Variants in CTTNBP2 observed in about 807,000 individuals in gnomAD.
CTTNBP2 encodes the protein cortactin-binding protein 2.
CTTNBP2 carries 108 observed loss-of-function variants against 156.9 expected under a neutral mutation model. The observed-to-expected ratio is 0.69, with a 90% confidence interval of 0.59 to 0.81. The LOEUF is 0.81. Among genes scored for constraint, CTTNBP2 ranks in the 30% least tolerant of loss-of-function variants. The pLI is 0.00. For missense variants in CTTNBP2, 1,924 were observed against 2,035.4 expected, an observed-to-expected ratio of 0.95 and a Z score of 1.05; for synonymous variants, 767 against 751.8, an observed-to-expected ratio of 1.02 and a Z score of -0.33.
intron 2 of CTTNBP2, among the ~76,000 whole-genome samples, chr7:117,821,780 T>C (rs1255620226): frequency 2.0e-5 from 3 of 151,928 alleles, no homozygotes; most frequent in Non-Finnish European, 2.9e-5. Flanking sequence ...TTAGTAGAGA[T>C]GGGGTTTCAC....
intron 16 of CTTNBP2, among the ~76,000 whole-genome samples, chr7:117,733,648 A>T (rs970915224): frequency 1.3e-5 from 2 of 152,314 alleles, no homozygotes; most frequent in East Asian, 3.9e-4. Flanking sequence ...ATGACCAAGT[A>T]ACTGATTTAA....
chr7:117,855,276 C>T (rs1803220762), intron 2 of CTTNBP2, among the ~76,000 whole-genome samples: 1 of 151,892 alleles, frequency 6.6e-6, no homozygotes, highest in Non-Finnish European at 1.5e-5. Flanking sequence ...CCATGCCTGG[C>T]TAATTTTTGT....
intron 6 of CTTNBP2, 71 bp from the exon 7 acceptor site, chr7:117,780,662 T>A (rs980714251): frequency 1.5e-5 from 13 of 890,056 alleles, no homozygotes; most frequent in African/African-American, 3.5e-5. Context: ...AACCAAGATA[T>A]TAAATACAGA....
intron 2 of CTTNBP2, among the ~76,000 whole-genome samples, chr7:117,853,545 T>C (rs1803067049): frequency 6.6e-6 from 1 of 152,206 alleles, no homozygotes; most frequent in Non-Finnish European, 1.5e-5. Context: ...CTGGCTAAAA[T>C]GTAATCAGAA....
chr7:117,728,114 G>A lies in CTTNBP2; in HGVS notation c.4030C>T (p.Pro1344Ser). 1 of 1,613,870 alleles carries A rather than the reference G, an allele frequency of 6.2e-7. No homozygotes were observed. The highest frequency in any genetic ancestry group is 8.5e-7 in the Non-Finnish European group (1 of 1,179,932). ...PKYFLSCPVVPGHAQVTVKWM... is the reference protein window; with the variant it reads ...PKYFLSCPVVSGHAQVTVKWM... ...TTCACTGTCACTTGGGCATGCCCAG[G>A]AACTACAGGACAAGACAGGAAATAT... The change falls in exon 17 of 23, where the codon CCT becomes TCT. Residue 1344 changes from proline to serine, a missense_variant. Coordinates refer to ENST00000160373, the MANE Select transcript of CTTNBP2 (RefSeq NM_033427.3).
chr7:117,801,560 T>C (rs1026847974), intron 3 of CTTNBP2, among the ~76,000 whole-genome samples: 3 of 152,172 alleles, frequency 2.0e-5, no homozygotes, highest in African/African-American at 7.2e-5. Context: ...AATATGTGGA[T>C]TAGAAAAAAT....
chr7:117,847,385 A>G (rs188358909), intron 2 of CTTNBP2, among the ~76,000 whole-genome samples: 5 of 152,230 alleles, frequency 3.3e-5, no homozygotes, highest in Admixed American at 1.3e-4. Context: ...AAAATAGAAA[A>G]CTTAGCTGGG....
chr7:117,867,447 A>C (rs1404553569), intron 1 of CTTNBP2, among the ~76,000 whole-genome samples: 3 of 152,078 alleles, frequency 2.0e-5, no homozygotes, highest in Non-Finnish European at 2.9e-5. Context: ...TAAACTTATT[A>C]TCTCTATTAA....
intron 2 of CTTNBP2, among the ~76,000 whole-genome samples, chr7:117,841,889 C>T (rs1802297716): frequency 6.6e-6 from 1 of 151,982 alleles, no homozygotes; most frequent in South Asian, 2.1e-4. Context: ...AGGAAGTTGC[C>T]ATCAGAATCC....
At position 117,800,613 on chromosome 7, in the gene CTTNBP2, C is replaced by T. The variant is rs73475488; in HGVS notation, c.415-7832G>A. Among the ~76,000 whole-genome samples, 1,221 of 152,132 alleles carry T rather than the reference C, an allele frequency of 8.0e-3. 15 individuals are homozygous for T. The highest frequency in any genetic ancestry group is 0.028 in the African/African-American group (1,179 of 41,520). On this transcript the variant is annotated intron_variant, in intron 3 of 22. Coordinates refer to ENST00000160373, the MANE Select transcript of CTTNBP2 (RefSeq NM_033427.3). ...CTGAAACTACTCTGTGTGTTCCACG[C>T]TTCAGTAAATGAGTAAATATACTGA...
intron 22 of CTTNBP2, among the ~76,000 whole-genome samples, chr7:117,713,351 C>T (rs187983914): frequency 4.1e-4 from 62 of 152,286 alleles, no homozygotes; most frequent in Non-Finnish European, 6.5e-4. Flanking sequence ...ATTTCCACCC[C>T]ACTAATTCAC....
intron 2 of CTTNBP2, among the ~76,000 whole-genome samples, chr7:117,860,343 CTTTTT>C (rs1563074250): frequency 6.6e-6 from 1 of 151,494 alleles, no homozygotes; most frequent in Admixed American, 6.6e-5. Flanking sequence ...TTTTTCTTTT[CTTTTT>C]TCTTTTTTTT....
chr7:117,848,334 G>A (rs1047297938), intron 2 of CTTNBP2, among the ~76,000 whole-genome samples: 3 of 152,034 alleles, frequency 2.0e-5, no homozygotes, highest in South Asian at 2.1e-4. Flanking sequence ...TCTTGCCCAC[G>A]CCTCACCACC....
At chr7:117,833,415 C>A (rs939968182) in intron 2 of CTTNBP2, among the ~76,000 whole-genome samples, 2 of 152,184 alleles carry the variant, frequency 1.3e-5, no homozygotes, top group Non-Finnish European at 2.9e-5. Flanking sequence ...TGTGTCTTAT[C>A]TGATTAAAAC....
intron 22 of CTTNBP2, chr7:117,715,789 G>C (rs1365839402): frequency 6.6e-6 from 1 of 152,148 alleles, no homozygotes; most frequent in East Asian, 1.9e-4. Context: ...CTCTTCAATG[G>C]AGGCATTGCC....
At chr7:117,739,205 G>C (rs1018483354) in intron 14 of CTTNBP2, among the ~76,000 whole-genome samples, 1 of 152,152 alleles carries the variant, frequency 6.6e-6, no homozygotes, top group African/African-American at 2.4e-5. Flanking sequence ...GTCTAGTTCA[G>C]GTTATTCTGC....
At chr7:117,761,811 C>T (rs1037472647) in intron 9 of CTTNBP2, among the ~76,000 whole-genome samples, 4 of 152,090 alleles carry the variant, frequency 2.6e-5, no homozygotes, top group Admixed American at 1.3e-4. Context: ...TACTAAAGAC[C>T]TCTATCTAAA....
intron 8 of CTTNBP2, 43 bp from the exon 9 acceptor site, chr7:117,767,219 T>C: frequency 9.2e-7 from 1 of 1,085,788 alleles, no homozygotes; most frequent in Non-Finnish European, 1.4e-6. Flanking sequence ...CCAAATGAAT[T>C]AACTTGAATG....
At chr7:117,745,690 G>T (rs911163776) in intron 14 of CTTNBP2, 141 bp downstream of exon 14, 6 of 618,428 alleles carry the variant, frequency 9.7e-6, no homozygotes, top group African/African-American at 5.6e-5. Context: ...GATAATTTTT[G>T]CAAGTGTTTA....
Sources: gnomAD v4.1 joint callset for allele counts (sites outside exome capture counted in the v4.1 genomes callset) on GRCh38, gnomAD v4.1.1 for gene constraint, MANE v1.5 for transcripts, NCBI Gene and HGNC (gene_info 2026-07-23, HGNC 2026-07-21) for gene names.